NPLOC4: variants seen among roughly 807,000 people sequenced by gnomAD.
NPLOC4 encodes NPL4 homolog, ubiquitin recognition factor, also known as nuclear protein localization protein 4 homolog.
In NPLOC4, 18 loss-of-function variants were observed where a neutral mutation model predicts 80.6. The observed-to-expected ratio is 0.22, with a 90% CI of 0.15 to 0.33. The LOEUF is 0.33. NPLOC4 is among the 10% of genes least tolerant of loss of function. NPLOC4 has a pLI of 1.00. For synonymous variants in NPLOC4, 313 were observed against 301.5 expected (o/e 1.04, Z -0.39); for missense variants, 540 against 786.1 (o/e 0.69, Z 3.74).
intron 8 of NPLOC4, among the ~76,000 whole-genome samples, chr17:81,603,667 A>T (rs2035125466): frequency 6.6e-6 from 1 of 152,152 alleles, no homozygotes; most frequent in Admixed American, 6.5e-5. Context: ...GTGAATACTC[A>T]TATACCCACC....
At position 81,597,262 on chromosome 17, in the gene NPLOC4, G is replaced by A. The variant is rs1010267995; in HGVS notation, c.976C>T (p.Arg326Cys). Reference protein sequence around the residue: ...VSEDTRKGTVRYSRNKDTYFL... With the variant: ...VSEDTRKGTVCYSRNKDTYFL... ...CACCTCACCTTATTTCGACTGTAGC[G>A]GACGGTACCCTTTCGGGTATCTTCT... Residue 326 changes from arginine (R) to cysteine (C), a missense_variant, in exon 10 of 17, where the codon CGC becomes TGC. This residue lies in a region of NPLOC4 where 251 missense variants were observed against 377.5 expected (regional missense o/e 0.66). Coordinates refer to ENST00000331134, the MANE Select transcript of NPLOC4 (RefSeq NM_017921.4). 8.1e-6 allele frequency: 13 copies of A among 1,613,518 alleles called. No individual in the cohort carries two copies. The highest frequency in any genetic ancestry group is 6.7e-5 in the Admixed American group (4 of 60,012).
Position 81,636,907 on chromosome 17 carries a change from C to A in NPLOC4, c.15+9G>T. The A allele has an allele frequency of 7.1e-7, 1 of 1,409,302 alleles. No homozygotes were observed. Among genetic ancestry groups the A allele is most frequent in the Non-Finnish European group, 9.3e-7 (1 of 1,077,362 alleles). The allele number at this position is 1,409,302 out of a possible 1,614,324, so 87.3% of individuals were successfully genotyped here. ...GGCGTCCCCGCTCCCGCCCGGCCGCCGCACTCACGATGCTCTCGGCCATGG... is the reference window on the plus strand; with the variant it reads ...GGCGTCCCCGCTCCCGCCCGGCCGCAGCACTCACGATGCTCTCGGCCATGG... On this transcript the variant is annotated intron_variant, in intron 1 of 16. Transcript: ENST00000331134.
At chr17:81,591,844 T>C (rs540536664) in intron 11 of NPLOC4, among the ~76,000 whole-genome samples, 4 of 152,364 alleles carry the variant, frequency 2.6e-5, no homozygotes, top group Admixed American at 1.3e-4. Context: ...CTATTGAATC[T>C]GAATGCATTT....
At chr17:81,608,477 A>G (rs1204405293) in intron 6 of NPLOC4, among the ~76,000 whole-genome samples, 1 of 152,166 alleles carries the variant, frequency 6.6e-6, no homozygotes, top group Admixed American at 6.5e-5. Context: ...TGGGGAAACC[A>G]AGGCAGGAGG....
At chr17:81,583,601 A>C (rs757590177) in intron 12 of NPLOC4, among the ~76,000 whole-genome samples, 2 of 152,200 alleles carry the variant, frequency 1.3e-5, no homozygotes, top group Non-Finnish European at 2.9e-5. Flanking sequence ...TCACAGGACT[A>C]TGTGTACACC....
At chr17:81,563,075 A>C (rs1280152693) in intron 16 of NPLOC4, 1 of 151,348 alleles carries the variant, frequency 6.6e-6, no homozygotes, top group Non-Finnish European at 1.5e-5. Context: ...TGGCAAGACC[A>C]CATCTTTTTT....
intron 12 of NPLOC4, among the ~76,000 whole-genome samples, chr17:81,578,536 C>A (rs571769502): frequency 6.6e-6 from 1 of 152,324 alleles, no homozygotes; most frequent in African/African-American, 2.4e-5. Flanking sequence ...TTAATTGACT[C>A]ACAGTTCAGC....
intron 16 of NPLOC4, 62 bp from the exon 17 acceptor site, chr17:81,559,478 TG>T: frequency 6.6e-7 from 1 of 1,525,652 alleles, no homozygotes; most frequent in Non-Finnish European, 8.9e-7. Context: ...TGCCAGAGTG[TG>T]GGCATGGGGG....
intron 3 of NPLOC4, among the ~76,000 whole-genome samples, chr17:81,613,711 T>C (rs557086762): frequency 6.6e-6 from 1 of 152,156 alleles, no homozygotes; most frequent in Non-Finnish European, 1.5e-5. Context: ...TTTAATCTCT[T>C]ACAACTTTAC....
At chr17:81,568,278 G>A (rs1419145185) in intron 14 of NPLOC4, among the ~76,000 whole-genome samples, 1 of 151,940 alleles carries the variant, frequency 6.6e-6, no homozygotes, top group Non-Finnish European at 1.5e-5. Context: ...CAGGGCAGCC[G>A]TGATGCAGCA....
intron 2 of NPLOC4, among the ~76,000 whole-genome samples, chr17:81,623,389 T>G (rs1598684189): frequency 1.6e-5 from 2 of 124,026 alleles, no homozygotes; most frequent in South Asian, 5.6e-4. Context: ...TGCTTGGGCC[T>G]GGGAGGTAGA....
chr17:81,602,932 C>CATATAT (rs150169696), intron 8 of NPLOC4, among the ~76,000 whole-genome samples: 1 of 143,076 alleles, frequency 7.0e-6, no homozygotes, highest in Non-Finnish European at 1.5e-5. Flanking sequence ...TACACACACA[C>CATATAT]ATATATATAT....
chr17:81,610,504 C>T (rs2035312830), intron 4 of NPLOC4, among the ~76,000 whole-genome samples: 2 of 152,106 alleles, frequency 1.3e-5, no homozygotes, highest in Non-Finnish European at 2.9e-5. Flanking sequence ...CCTTCACCTC[C>T]TGGGCTCAAG....
At position 81,580,065 on chromosome 17, in the gene NPLOC4, C is replaced by G. The variant is rs1269286725; in HGVS notation, c.1282-7977G>C. Among the ~76,000 whole-genome samples the G allele has an allele frequency of 6.6e-6, 1 of 152,152 alleles. No homozygotes were observed. Among genetic ancestry groups the G allele is most frequent in the Non-Finnish European group, 1.5e-5 (1 of 68,030 alleles). ...CTTCCAGGGCGCTATGCTCCTGCCC[C>G]TCCTCCCCAGCTCCTGCCTCCCAGT... On this transcript the variant is annotated intron_variant, in intron 12 of 16. Coordinates refer to ENST00000331134, the MANE Select transcript of NPLOC4 (RefSeq NM_017921.4). The surrounding 1 kb of genome is among the most constrained non-coding windows in gnomAD (Gnocchi z 4.4).
At chr17:81,611,886 G>C (rs1177678084) in intron 4 of NPLOC4, among the ~76,000 whole-genome samples, 28 of 151,434 alleles carry the variant, frequency 1.8e-4, no homozygotes, top group Non-Finnish European at 2.1e-4. Flanking sequence ...CGTGAACCGG[G>C]GGGACGCAGC....
In NPLOC4 at chr17:81,629,817, A is replaced by G; in HGVS notation, c.16-12T>C. The G allele has an allele frequency of 6.3e-7, 1 of 1,599,952 alleles. No individual in the cohort carries two copies. On this transcript the variant is annotated splice_polypyrimidine_tract_variant and intron_variant, in intron 1 of 16. Coordinates refer to ENST00000331134, the MANE Select transcript of NPLOC4 (RefSeq NM_017921.4). Reference sequence around the variant, plus strand: ...TGGACACGAATTATCTGTTGCAAACAAAACATGATGGTTACTGCACAGCCT... The same window carrying G: ...TGGACACGAATTATCTGTTGCAAACGAAACATGATGGTTACTGCACAGCCT...
intron 3 of NPLOC4, among the ~76,000 whole-genome samples, chr17:81,615,419 G>C (rs938917806): frequency 6.6e-6 from 1 of 151,996 alleles, no homozygotes; most frequent in Non-Finnish European, 1.5e-5. Context: ...GTTTCTAATA[G>C]CAGATTACAT....
chr17:81,560,899 C>T (rs1278769676), intron 16 of NPLOC4: 1 of 152,188 alleles, frequency 6.6e-6, no homozygotes, highest in Admixed American at 6.5e-5. Flanking sequence ...TCATTTCAGC[C>T]ACACTGATGA....
At chr17:81,613,122 A>C in intron 4 of NPLOC4, 196 bp downstream of exon 4, 1 of 455,054 alleles carries the variant, frequency 2.2e-6, no homozygotes. Flanking sequence ...AAACTGATAA[A>C]AAGCTAAAAA....
Sources: allele counts gnomAD v4.1 joint callset (sites outside exome capture counted in the v4.1 genomes callset), GRCh38; gene constraint gnomAD v4.1.1; regional missense constraint gnomAD v4.1.1; non-coding constraint Gnocchi (gnomAD v3.1); transcripts MANE v1.5; gene names NCBI Gene and HGNC (gene_info 2026-07-23, HGNC 2026-07-21).